Variants in KCNU1 observed in about 807,000 individuals in gnomAD.
KCNU1 encodes potassium channel subfamily U member 1.
Under a neutral mutation model 126.8 loss-of-function variants are expected in KCNU1, and 93 were observed. That is an observed-to-expected ratio of 0.73 (90% CI 0.62 to 0.87). The LOEUF is 0.87. Ranked by LOEUF, KCNU1 falls within the 40% of genes least tolerant of loss-of-function variation. KCNU1 has a pLI of 0.00. For missense variants in KCNU1, 1,330 were observed against 1,367.1 expected, an observed-to-expected ratio of 0.97 and a Z score of 0.43; for synonymous variants, 523 against 494.2, an observed-to-expected ratio of 1.06 and a Z score of -0.77.
intron 19 of KCNU1, among the ~76,000 whole-genome samples, chr8:36,904,916 T>TTTCTG (rs1009823498): frequency 2.0e-5 from 3 of 152,164 alleles, no homozygotes; most frequent in Non-Finnish European, 2.9e-5. Flanking sequence ...GTTGAGGTTG[T>TTTCTG]TTCTGCAGTG....
chr8:36,920,367 A>G (rs1808294165), intron 23 of KCNU1, among the ~76,000 whole-genome samples: 1 of 152,192 alleles, frequency 6.6e-6, no homozygotes, highest in Admixed American at 6.5e-5. Flanking sequence ...CCAACTGTAT[A>G]CACCAAACGA....
At position 36,792,601 on chromosome 8, in the gene KCNU1, C is replaced by T. The variant is rs76873360; in HGVS notation, c.315+5176C>T. Among the ~76,000 whole-genome samples, 2,844 of 152,226 alleles carry T rather than the reference C, an allele frequency of 0.019. 236 individuals carry two copies. The East Asian group carries it at 0.26, about 14-fold the overall frequency. ...TTTCCCCCACTACCATTTCACAATC[C>T]GTTTTTCAAGAGAGGCACTATCATT... On this transcript the variant is annotated intron_variant, in intron 2 of 26. Coordinates refer to ENST00000399881, the MANE Select transcript of KCNU1 (RefSeq NM_001031836.3).
At chr8:36,896,670 G>C (rs1036054917) in intron 19 of KCNU1, among the ~76,000 whole-genome samples, 1 of 151,988 alleles carries the variant, frequency 6.6e-6, no homozygotes, top group Non-Finnish European at 1.5e-5. Context: ...CCTTTGAGGT[G>C]ATCAAATAGA....
chr8:36,878,163 G>A (rs374808520), intron 19 of KCNU1, among the ~76,000 whole-genome samples: 3 of 152,152 alleles, frequency 2.0e-5, no homozygotes, highest in Admixed American at 6.5e-5. Flanking sequence ...AGCTGATTTA[G>A]CAATAAAAGT....
At chr8:36,857,720 A>G (rs919051944) in intron 18 of KCNU1, among the ~76,000 whole-genome samples, 1 of 151,962 alleles carries the variant, frequency 6.6e-6, no homozygotes, top group African/African-American at 2.4e-5. Flanking sequence ...ATCTTGGCTC[A>G]TTGCAAGCTC....
intron 19 of KCNU1, among the ~76,000 whole-genome samples, chr8:36,905,312 A>G (rs1432552827): frequency 1.3e-5 from 2 of 152,156 alleles, no homozygotes; most frequent in African/African-American, 4.8e-5. Flanking sequence ...GAGAAATATC[A>G]CCCATGATTG....
chr8:36,837,468 A>G (rs1229012579), intron 14 of KCNU1, among the ~76,000 whole-genome samples: 1 of 152,154 alleles, frequency 6.6e-6, no homozygotes, highest in East Asian at 1.9e-4. Context: ...ATGAGTGCCT[A>G]CTGTCTTGTG....
chr8:36,787,745 TA>T (rs1456470487), intron 2 of KCNU1, among the ~76,000 whole-genome samples: 2 of 147,948 alleles, frequency 1.4e-5, no homozygotes, highest in Non-Finnish European at 3.0e-5. Flanking sequence ...TTATCCGTAA[TA>T]ATATGTAATT....
intron 19 of KCNU1, among the ~76,000 whole-genome samples, chr8:36,876,936 TGAG>T (rs1383473400): frequency 6.6e-6 from 1 of 151,934 alleles, no homozygotes; most frequent in Non-Finnish European, 1.5e-5. Context: ...AGAAAGGAGA[TGAG>T]GAGACAAGAG....
At chr8:36,882,589 A>AT (rs879517446) in intron 19 of KCNU1, among the ~76,000 whole-genome samples, 2,062 of 146,950 alleles carry the variant, frequency 0.014, 19 homozygotes, top group African/African-American at 0.02. Context: ...ACATTTCACT[A>AT]TTTTTTTTTT....
At chr8:36,837,487 CAAT>C (rs1357831092) in intron 14 of KCNU1, among the ~76,000 whole-genome samples, 1 of 152,062 alleles carries the variant, frequency 6.6e-6, no homozygotes, top group Non-Finnish European at 1.5e-5. Flanking sequence ...TGTTTCCCCT[CAAT>C]AATATGTTGT....
chr8:36,818,126 T>C lies in KCNU1; in HGVS notation c.1106+366T>C, dbSNP rs564411220. On this transcript the variant is annotated intron_variant, in intron 10 of 26. Transcript: ENST00000399881. ...TGTGAAGTTCAAATCAATACAGAAATGATTGTTCTTGATGCTGTTGTTGTT... is the reference window on the plus strand; with the variant it reads ...TGTGAAGTTCAAATCAATACAGAAACGATTGTTCTTGATGCTGTTGTTGTT... 8.5e-5 allele frequency among the ~76,000 whole-genome samples: 13 copies of C among 152,278 alleles called. No individual in the cohort carries two copies. In the East Asian group the frequency reaches 2.5e-3, roughly 29 times the overall value.
intron 19 of KCNU1, chr8:36,888,832 G>A (rs1270083639): frequency 2.0e-6 from 1 of 501,186 alleles, no homozygotes; most frequent in Admixed American, 2.2e-5. Context: ...TAACAGGAAT[G>A]AAGAACAAAT....
chr8:36,807,840 C>T (rs1359608609), intron 6 of KCNU1, among the ~76,000 whole-genome samples: 1 of 151,856 alleles, frequency 6.6e-6, no homozygotes, highest in Non-Finnish European at 1.5e-5. Flanking sequence ...CTTCTTCAGG[C>T]ATTGGAATGT....
intron 2 of KCNU1, among the ~76,000 whole-genome samples, chr8:36,802,642 A>G (rs1803354515): frequency 1.3e-5 from 2 of 152,188 alleles, no homozygotes; most frequent in Admixed American, 1.3e-4. Context: ...CCGTGAGAGA[A>G]CAGGCTTCAC....
At position 36,931,140 on chromosome 8, in the gene KCNU1, G is replaced by A. The variant is rs150503126; in HGVS notation, c.2926G>A (p.Val976Ile). Residue 976 changes from valine (V) to isoleucine (I), a missense_variant, in exon 25 of 27, where the codon GTT becomes ATT. This residue lies in a region of KCNU1 where 1,054 missense variants were observed against 1,053.9 expected (regional missense o/e 1.00). Transcript: ENST00000399881. Reference protein sequence around the residue: ...LSLHETILSDVNPRNTFGQLF... With the variant: ...LSLHETILSDINPRNTFGQLF... ...CTTACACGAAACCATTTTATCAGACGTTAATGTGAGTCTACTCTTCTCAGA... is the reference window on the plus strand; with the variant it reads ...CTTACACGAAACCATTTTATCAGACATTAATGTGAGTCTACTCTTCTCAGA... 4.4e-6 allele frequency: 7 copies of A among 1,600,738 alleles called. No individual in the cohort carries two copies. The highest frequency in any genetic ancestry group is 2.2e-5 in the East Asian group (1 of 44,484).
intron 19 of KCNU1, chr8:36,889,314 A>G (rs1431454813): frequency 1.9e-6 from 1 of 518,300 alleles, no homozygotes; most frequent in African/African-American, 1.9e-5. Flanking sequence ...ATGTTAAGAA[A>G]TTTGGTAATT....
At chr8:36,849,365 G>T (rs539658444) in intron 18 of KCNU1, among the ~76,000 whole-genome samples, 6 of 152,088 alleles carry the variant, frequency 3.9e-5, no homozygotes, top group African/African-American at 7.2e-5. Context: ...GAGGTGGGCC[G>T]ATCACTTGAG....
At chr8:36,792,942 C>T (rs1802956165) in intron 2 of KCNU1, among the ~76,000 whole-genome samples, 1 of 151,878 alleles carries the variant, frequency 6.6e-6, no homozygotes, top group Non-Finnish European at 1.5e-5. Flanking sequence ...CTCATTCTAA[C>T]AATAAGTGAT....
Sources: allele counts gnomAD v4.1 joint callset (sites outside exome capture counted in the v4.1 genomes callset), GRCh38; gene constraint gnomAD v4.1.1; regional missense constraint gnomAD v4.1.1; transcripts MANE v1.5; gene names NCBI Gene and HGNC (gene_info 2026-07-23, HGNC 2026-07-21).